Variants in CSMD2 observed in about 807,000 individuals in gnomAD.
CSMD2 encodes CUB and Sushi multiple domains 2.
CSMD2 carries 130 observed loss-of-function variants against 398.5 expected under a neutral mutation model. The observed-to-expected ratio is 0.33, with a 90% confidence interval of 0.28 to 0.38. The LOEUF (loss-of-function observed/expected upper bound fraction) is 0.38. CSMD2 is among the 10% of genes least tolerant of loss of function. The pLI, the probability that CSMD2 is intolerant of heterozygous loss-of-function variation, is 1.00. For synonymous variants in CSMD2, 1,828 were observed against 1,908.5 expected, an observed-to-expected ratio of 0.96 and a Z score of 1.10; for missense variants, 3,829 against 4,764.9, an observed-to-expected ratio of 0.80 and a Z score of 5.78.
At chr1:33,616,116 G>A (rs768073627) in intron 39 of CSMD2, among the ~76,000 whole-genome samples, 42 of 152,334 alleles carry the variant, frequency 2.8e-4, no homozygotes, top group Non-Finnish European at 5.6e-4. Flanking sequence ...AGCTTCTGAA[G>A]GGGAGATGCT....
chr1:33,707,134 C>T (rs1284017441), intron 22 of CSMD2, among the ~76,000 whole-genome samples: 3 of 152,152 alleles, frequency 2.0e-5, no homozygotes, highest in Non-Finnish European at 4.4e-5. Context: ...GAATCTAGAC[C>T]CCCTTAGTGA....
At chr1:33,615,509 A>T (rs1641325967) in intron 39 of CSMD2, among the ~76,000 whole-genome samples, 1 of 152,090 alleles carries the variant, frequency 6.6e-6, no homozygotes, top group African/African-American at 2.4e-5. Flanking sequence ...TCACAATCCC[A>T]CCTTCACTTC....
intron 3 of CSMD2, among the ~76,000 whole-genome samples, chr1:33,996,397 T>C (rs76548321): frequency 0.011 from 1,744 of 152,310 alleles, 63 homozygotes; most frequent in East Asian, 0.11. Flanking sequence ...CTACCAGCCT[T>C]GGCACAGGTG....
intron 3 of CSMD2, among the ~76,000 whole-genome samples, chr1:34,030,436 T>G (rs916065315): frequency 1.2e-4 from 19 of 152,186 alleles, no homozygotes; most frequent in African/African-American, 4.3e-4. Context: ...CAATAAAACT[T>G]TATTTACAAA....
intron 13 of CSMD2, among the ~76,000 whole-genome samples, chr1:33,747,867 C>A (rs1470188376): frequency 1.3e-5 from 2 of 152,180 alleles, no homozygotes; most frequent in African/African-American, 4.8e-5. Flanking sequence ...TTAAAAAGTT[C>A]CCCAGGTGAT....
chr1:33,860,595 T>A (rs1237713883), intron 5 of CSMD2: 1 of 152,226 alleles, frequency 6.6e-6, no homozygotes, highest in East Asian at 1.9e-4. Flanking sequence ...CCATCTGTTT[T>A]TATTCCTATC....
At chr1:33,734,351 C>G (rs546325840) in intron 15 of CSMD2, among the ~76,000 whole-genome samples, 18 of 152,278 alleles carry the variant, frequency 1.2e-4, no homozygotes, top group Admixed American at 6.5e-4. Flanking sequence ...TTTACAACCA[C>G]CAAGTATTCC....
intron 53 of CSMD2, among the ~76,000 whole-genome samples, chr1:33,561,142 A>G (rs933047): frequency 7.9e-5 from 12 of 152,132 alleles, no homozygotes; most frequent in African/African-American, 2.9e-4. Flanking sequence ...GGGTGTAAGA[A>G]GAGGAAGCAC....
chr1:33,912,601 G>C (rs1313434888), intron 5 of CSMD2, among the ~76,000 whole-genome samples: 1 of 152,088 alleles, frequency 6.6e-6, no homozygotes, highest in Non-Finnish European at 1.5e-5. Context: ...GGTCCAGAGA[G>C]AGCGAGGGGG....
chr1:33,600,420 A>G (rs1374605989), intron 44 of CSMD2: 6 of 561,676 alleles, frequency 1.1e-5, no homozygotes, highest in Non-Finnish European at 1.9e-5. Context: ...TGAATTGTTC[A>G]TACTCTTCCT....
chr1:33,542,025 G>C (rs1356610509), intron 58 of CSMD2, among the ~76,000 whole-genome samples: 2 of 152,142 alleles, frequency 1.3e-5, no homozygotes, highest in Non-Finnish European at 2.9e-5. Flanking sequence ...TTGAGGGTGG[G>C]GCTTGGTGAG....
At position 33,602,500 on chromosome 1, in the gene CSMD2, G is replaced by A; in HGVS notation, c.6579C>T (p.Ser2193=). 6.2e-7 allele frequency: 1 copy of A among 1,612,378 alleles called. No homozygotes were observed. The highest frequency in any genetic ancestry group is 8.5e-7 in the Non-Finnish European group (1 of 1,179,476). The change falls in exon 43 of 71, where the codon TCC becomes TCT. Residue 2193 remains serine (S), a synonymous_variant. Transcript: ENST00000373381. ...TGGAGTACGGGCTAGGGAACCCCGG[G>A]GAGTACACAGTGCCGTTGGAAGAAG... ...NITSSNGTVY[S]PGFPSPYSSS...
At chr1:33,585,078 G>A (rs552104349) in intron 46 of CSMD2, among the ~76,000 whole-genome samples, 11 of 152,336 alleles carry the variant, frequency 7.2e-5, no homozygotes, top group Admixed American at 2.6e-4. Context: ...CCAAAGCAAA[G>A]TTCTGAGGAC....
At chr1:33,983,567 A>C (rs529715558) in intron 3 of CSMD2, among the ~76,000 whole-genome samples, 14 of 152,024 alleles carry the variant, frequency 9.2e-5, no homozygotes, top group Non-Finnish European at 1.8e-4. Flanking sequence ...CTGCTGTCTT[A>C]GTCTATCTCT....
intron 13 of CSMD2, among the ~76,000 whole-genome samples, chr1:33,763,152 C>T (rs1270726483): frequency 6.6e-6 from 1 of 152,166 alleles, no homozygotes; most frequent in East Asian, 1.9e-4. Flanking sequence ...GGAAAAAAGT[C>T]TCTTGGCATG....
chr1:33,953,697 T>C (rs1335701617), intron 3 of CSMD2, among the ~76,000 whole-genome samples: 1 of 152,190 alleles, frequency 6.6e-6, no homozygotes, highest in Non-Finnish European at 1.5e-5. Flanking sequence ...AGATTCCTAG[T>C]GCTTTTGCCC....
At chr1:33,978,009 T>C (rs1442656175) in intron 3 of CSMD2, among the ~76,000 whole-genome samples, 1 of 152,152 alleles carries the variant, frequency 6.6e-6, no homozygotes, top group Non-Finnish European at 1.5e-5. Context: ...TAAGGCTTGC[T>C]GAGAGCTCAT....
In CSMD2 at chr1:33,569,385, A is replaced by G. The variant is rs1659367595; in HGVS notation, c.8120T>C (p.Val2707Ala). 3 of 1,613,652 alleles carry G rather than the reference A, an allele frequency of 1.9e-6. No individual in the cohort carries two copies. The highest frequency in any genetic ancestry group is 1.7e-6 in the Non-Finnish European group (2 of 1,179,768). The change falls in exon 52 of 71, where the codon GTC becomes GCC. Residue 2707 changes from valine to alanine, a missense_variant. This residue lies in a region of CSMD2 where 723 missense variants were observed against 758.6 expected (regional missense o/e 0.95). Transcript: ENST00000373381. The stretch of plus-strand genomic sequence containing the variant: ...CAGAGGTCACTTACCAAGGCAGCGG[A>G]CTTCAGAGCCACTCCAGAGCCCATT... The part of the protein sequence containing the change: ...MANGLWSGSE[V>A]RCLATQTKLH...
At chr1:34,032,245 T>C (rs960312113) in intron 3 of CSMD2, among the ~76,000 whole-genome samples, 8 of 152,204 alleles carry the variant, frequency 5.3e-5, no homozygotes, top group African/African-American at 1.4e-4. Context: ...ATATGTCTTT[T>C]ATTTTCAAAA....
Sources: gnomAD v4.1 joint callset for allele counts (sites outside exome capture counted in the v4.1 genomes callset) on GRCh38, gnomAD v4.1.1 for gene constraint, gnomAD v4.1.1 regional missense constraint, MANE v1.5 for transcripts, NCBI Gene and HGNC (gene_info 2026-07-23, HGNC 2026-07-21) for gene names.